FRMD4B: variants seen among roughly 807,000 people sequenced by gnomAD.
FRMD4B encodes FERM domain-containing protein 4B.
In FRMD4B, 74 loss-of-function variants were observed where a neutral mutation model predicts 141.5. The observed-to-expected ratio is 0.52, with a 90% CI of 0.43 to 0.63. The LOEUF (loss-of-function observed/expected upper bound fraction) is 0.63, where lower values mean the gene tolerates loss of function less well. Ranked by LOEUF, FRMD4B falls within the 30% of genes least tolerant of loss-of-function variation. The pLI is 0.00. For missense variants in FRMD4B, 1,366 were observed against 1,253.4 expected, an observed-to-expected ratio of 1.09 and a Z score of -1.36; for synonymous variants, 506 against 467.9, an observed-to-expected ratio of 1.08 and a Z score of -1.05.
intron 7 of FRMD4B, among the ~76,000 whole-genome samples, chr3:69,226,159 G>A (rs1256426579): frequency 6.6e-6 from 1 of 152,184 alleles, no homozygotes; most frequent in Non-Finnish European, 1.5e-5. Context: ...TTTCCTACAG[G>A]TGAAAGATCT....
At chr3:69,302,076 T>C (rs936975788) in intron 4 of FRMD4B, among the ~76,000 whole-genome samples, 1 of 152,340 alleles carries the variant, frequency 6.6e-6, no homozygotes, top group Middle Eastern at 3.4e-3. Flanking sequence ...AGCTTTAAAT[T>C]GATTTCTAAG....
chr3:69,535,459 G>A (rs925327391), intron 1 of FRMD4B, among the ~76,000 whole-genome samples: 5 of 152,308 alleles, frequency 3.3e-5, no homozygotes, highest in East Asian at 1.9e-4. Context: ...TGCTGCTATC[G>A]TTACCATTAG....
intron 2 of FRMD4B, among the ~76,000 whole-genome samples, chr3:69,399,209 G>A (rs961922857): frequency 3.3e-5 from 5 of 152,232 alleles, no homozygotes; most frequent in Non-Finnish European, 7.4e-5. Flanking sequence ...TTGGTACTTC[G>A]TTCATGGCCC....
rs67497031 is a variant in FRMD4B at position 69,263,396 on chromosome 3, C to CTTTTTTTT, written c.502-13305_502-13298dup. On this transcript the variant is annotated intron_variant, in intron 5 of 22. Coordinates refer to ENST00000398540, the MANE Select transcript of FRMD4B (RefSeq NM_015123.3). ...GATGCTAGTTTGCTAGTTACATGCA[C>CTTTTTTTT]TTTTTTTTTTTTTTTTTTTTTTTTG... Among the ~76,000 whole-genome samples, 10 of 72,918 alleles carry CTTTTTTTT rather than the reference C, an allele frequency of 1.4e-4. 1 individual carries two copies. Among genetic ancestry groups the CTTTTTTTT allele is most frequent in the African/African-American group, 4.6e-4 (8 of 17,214 alleles). 47.8% of individuals were successfully genotyped at this position (72,918 alleles called of 152,430 possible). A position where few individuals can be genotyped will look rare whatever the true frequency, so the allele number is the denominator to read the frequency against.
At chr3:69,246,660 G>C (rs759515816) in intron 7 of FRMD4B, among the ~76,000 whole-genome samples, 8 of 152,116 alleles carry the variant, frequency 5.3e-5, no homozygotes, top group African/African-American at 1.7e-4. Flanking sequence ...TGAGGGAACC[G>C]AGGCTCAGAC....
At chr3:69,266,139 C>T (rs2093560742) in intron 5 of FRMD4B, among the ~76,000 whole-genome samples, 1 of 151,692 alleles carries the variant, frequency 6.6e-6, no homozygotes, top group African/African-American at 2.4e-5. Flanking sequence ...GAAGTTGAGG[C>T]TACAGTGAGC....
intron 5 of FRMD4B, among the ~76,000 whole-genome samples, chr3:69,281,851 A>ATATG (rs1435910819): frequency 6.7e-6 from 1 of 148,772 alleles, no homozygotes; most frequent in Non-Finnish European, 1.5e-5. Flanking sequence ...ATATATATAT[A>ATATG]TTTTTGCTTA....
intron 1 of FRMD4B, among the ~76,000 whole-genome samples, chr3:69,347,863 G>A (rs1177781462): frequency 1.3e-5 from 2 of 152,146 alleles, no homozygotes; most frequent in Admixed American, 1.3e-4. Flanking sequence ...AGCACTAAAT[G>A]CCCACAAAAG....
At chr3:69,527,366 C>G (rs965997468) in intron 1 of FRMD4B, among the ~76,000 whole-genome samples, 1 of 152,156 alleles carries the variant, frequency 6.6e-6, no homozygotes. Context: ...TGCCAAGCAC[C>G]TGCTGCTTCT....
intron 2 of FRMD4B, among the ~76,000 whole-genome samples, chr3:69,413,727 G>A (rs1029741682): frequency 6.6e-6 from 1 of 152,058 alleles, no homozygotes; most frequent in Non-Finnish European, 1.5e-5. Flanking sequence ...GGAATGTGAC[G>A]CATTCACCAC....
intron 1 of FRMD4B, among the ~76,000 whole-genome samples, chr3:69,511,253 CTT>C (rs1465533115): frequency 2.0e-5 from 3 of 152,056 alleles, no homozygotes; most frequent in Non-Finnish European, 4.4e-5. Context: ...GGCAAATCCT[CTT>C]TAAAACCATG....
At chr3:69,269,217 C>G (rs568536849) in intron 5 of FRMD4B, among the ~76,000 whole-genome samples, 42 of 151,862 alleles carry the variant, frequency 2.8e-4, no homozygotes, top group Non-Finnish European at 5.4e-4. Context: ...GCGTTAGCCA[C>G]TGTGCCTGGC....
At chr3:69,267,842 A>G (rs1376537373) in intron 5 of FRMD4B, among the ~76,000 whole-genome samples, 1 of 149,752 alleles carries the variant, frequency 6.7e-6, no homozygotes, top group Non-Finnish European at 1.5e-5. Context: ...CATGTTGGCC[A>G]GGCTGGTCTC....
At chr3:69,530,836 A>T (rs904806308) in intron 1 of FRMD4B, among the ~76,000 whole-genome samples, 1 of 152,218 alleles carries the variant, frequency 6.6e-6, no homozygotes, top group African/African-American at 2.4e-5. Flanking sequence ...GGAACCCAGA[A>T]ATCAGCAAAA....
At chr3:69,456,705 C>T (rs1267293708) in intron 1 of FRMD4B, among the ~76,000 whole-genome samples, 3 of 145,394 alleles carry the variant, frequency 2.1e-5, no homozygotes, top group African/African-American at 7.7e-5. Flanking sequence ...ACATACAAGA[C>T]AGTTTACGTA....
chr3:69,342,687 A>G (rs956848458), intron 1 of FRMD4B, among the ~76,000 whole-genome samples: 1 of 152,232 alleles, frequency 6.6e-6, no homozygotes, highest in Non-Finnish European at 1.5e-5. Context: ...TGATGTTTCA[A>G]TACATATCAT....
chr3:69,304,937 T>G (rs980016551), intron 3 of FRMD4B, among the ~76,000 whole-genome samples: 2 of 152,178 alleles, frequency 1.3e-5, no homozygotes, highest in Admixed American at 6.5e-5. Context: ...TCATTATAAG[T>G]AGACAGGAAA....
At chr3:69,393,004 T>C (rs1387480534) in intron 2 of FRMD4B, among the ~76,000 whole-genome samples, 2 of 152,042 alleles carry the variant, frequency 1.3e-5, no homozygotes, top group African/African-American at 2.4e-5. Flanking sequence ...GAAGCATGAA[T>C]TGGAGGAAGT....
At chr3:69,179,276 C>T (rs2092680778) in intron 21 of FRMD4B, among the ~76,000 whole-genome samples, 1 of 152,068 alleles carries the variant, frequency 6.6e-6, no homozygotes, top group African/African-American at 2.4e-5. Flanking sequence ...TGAGTTTCCT[C>T]AGTTAACACC....
Sources: allele counts gnomAD v4.1 joint callset (sites outside exome capture counted in the v4.1 genomes callset), GRCh38; gene constraint gnomAD v4.1.1; transcripts MANE v1.5; gene names NCBI Gene and HGNC (gene_info 2026-07-23, HGNC 2026-07-21).